Variants in EYS observed in about 807,000 individuals in gnomAD.
The protein encoded by EYS is EGF-like photoreceptor maintenance factor.
Under a neutral mutation model 282.1 loss-of-function variants are expected in EYS, and 250 were observed. That is an observed-to-expected ratio of 0.89 (90% CI 0.80 to 0.98). The LOEUF is 0.98. EYS is among the 50% of genes least tolerant of loss of function. The pLI is 0.00. For synonymous variants in EYS, 1,355 were observed against 1,282.9 expected (o/e 1.06, Z -1.20); for missense variants, 4,016 against 3,709.0 (o/e 1.08, Z -2.15).
chr6:64,286,567 G>T (rs1768508471), intron 30 of EYS, among the ~76,000 whole-genome samples: 1 of 152,234 alleles, frequency 6.6e-6, no homozygotes, highest in East Asian at 1.9e-4. Context: ...CACAGATATT[G>T]CAGAATCTTC....
chr6:63,754,654 G>A (rs1242371658), intron 41 of EYS, among the ~76,000 whole-genome samples: 1 of 152,106 alleles, frequency 6.6e-6, no homozygotes, highest in Non-Finnish European at 1.5e-5. Flanking sequence ...ATAAACATAC[G>A]TGTGCATGTG....
chr6:63,923,482 C>T (rs1374685831), intron 35 of EYS, among the ~76,000 whole-genome samples: 4 of 152,006 alleles, frequency 2.6e-5, no homozygotes, highest in Non-Finnish European at 4.4e-5. Context: ...AAGAAAATAG[C>T]AAATAACACT....
intron 22 of EYS, among the ~76,000 whole-genome samples, chr6:64,812,837 T>C (rs1764637607): frequency 6.6e-6 from 1 of 151,970 alleles, no homozygotes; most frequent in South Asian, 2.1e-4. Context: ...ATTGGATATA[T>C]TATATAATCA....
chr6:65,393,192 G>C (rs1227939588), intron 7 of EYS, among the ~76,000 whole-genome samples: 1 of 152,028 alleles, frequency 6.6e-6, no homozygotes, highest in African/African-American at 2.4e-5. Flanking sequence ...GGACGGGGGA[G>C]GGATAGCATT....
chr6:65,063,792 T>G (rs1773650577), intron 12 of EYS, among the ~76,000 whole-genome samples: 1 of 152,006 alleles, frequency 6.6e-6, no homozygotes, highest in Non-Finnish European at 1.5e-5. Context: ...AAATAGCCAT[T>G]GGCTCAAAGT....
intron 26 of EYS, among the ~76,000 whole-genome samples, chr6:64,546,180 A>G (rs1351820836): frequency 6.6e-6 from 1 of 152,196 alleles, no homozygotes; most frequent in Admixed American, 6.5e-5. Context: ...AGAGATATAG[A>G]CCAATGGAAC....
intron 14 of EYS, among the ~76,000 whole-genome samples, chr6:64,962,515 G>A (rs1236426788): frequency 6.6e-6 from 1 of 151,202 alleles, no homozygotes; most frequent in African/African-American, 2.4e-5. Flanking sequence ...AGGATCACTT[G>A]ATCCAGCAGT....
chr6:63,738,287 C>T (rs1182453359), intron 41 of EYS, among the ~76,000 whole-genome samples: 7 of 152,022 alleles, frequency 4.6e-5, no homozygotes, highest in East Asian at 1.9e-4. Context: ...CACATGCACA[C>T]GTATGTTTAT....
intron 14 of EYS, among the ~76,000 whole-genome samples, chr6:64,991,357 A>G (rs1771057002): frequency 6.6e-6 from 1 of 151,606 alleles, no homozygotes; most frequent in Non-Finnish European, 1.5e-5. Flanking sequence ...GCCTCTTTTA[A>G]CAATAGGTTT....
chr6:65,110,984 C>T (rs887373395), intron 12 of EYS, among the ~76,000 whole-genome samples: 1 of 151,910 alleles, frequency 6.6e-6, no homozygotes, highest in Admixed American at 6.6e-5. Context: ...TGAACTGCCT[C>T]AATGATAACA....
At chr6:63,924,506 G>C (rs1238188873) in intron 35 of EYS, among the ~76,000 whole-genome samples, 2 of 152,184 alleles carry the variant, frequency 1.3e-5, no homozygotes, top group Non-Finnish European at 2.9e-5. Context: ...TGAAACACCT[G>C]GTAGTCAATG....
At chr6:64,812,670 A>G (rs1291547560) in intron 22 of EYS, among the ~76,000 whole-genome samples, 2 of 152,048 alleles carry the variant, frequency 1.3e-5, no homozygotes, top group African/African-American at 2.4e-5. Flanking sequence ...TTTAAGATAT[A>G]TGACAGAAAT....
chr6:64,727,112 A>T (rs142980796), intron 22 of EYS, among the ~76,000 whole-genome samples: 323 of 152,318 alleles, frequency 2.1e-3, no homozygotes, highest in Non-Finnish European at 4.0e-3. Flanking sequence ...TGTACATATA[A>T]TTTTTAATTG....
At chr6:64,406,961 A>T (rs1287359309) in intron 28 of EYS, among the ~76,000 whole-genome samples, 1 of 152,240 alleles carries the variant, frequency 6.6e-6, no homozygotes, top group Non-Finnish European at 1.5e-5. Context: ...ATATACCCGA[A>T]GGATAATAAA....
intron 12 of EYS, among the ~76,000 whole-genome samples, chr6:65,159,109 G>T (rs1284850585): frequency 6.6e-6 from 1 of 150,888 alleles, no homozygotes; most frequent in East Asian, 2.0e-4. Context: ...TTGGAAATCT[G>T]TCTAAAACAA....
intron 12 of EYS, among the ~76,000 whole-genome samples, chr6:65,174,741 C>T (rs529403045): frequency 6.6e-6 from 1 of 151,342 alleles, no homozygotes; most frequent in South Asian, 2.1e-4. Flanking sequence ...TGTTGCAAAT[C>T]ATCTAAGTGA....
In EYS at chr6:63,755,544, A is replaced by T. The variant is rs150575818; in HGVS notation, c.8071+6917T>A. 9.6e-4 allele frequency among the ~76,000 whole-genome samples: 146 copies of T among 152,248 alleles called. 1 individual carries two copies. Among genetic ancestry groups the T allele is most frequent in the Non-Finnish European group, 1.5e-3 (105 of 68,024 alleles). ...TTTGGTTACTGTAGCCTTGTAGTCC[A>T]GTTTGAAGTCAGGTAGTGTGATGCC... On this transcript the variant is annotated intron_variant, in intron 41 of 42. Coordinates refer to ENST00000503581, the MANE Select transcript of EYS (RefSeq NM_001142800.2).
At chr6:64,367,138 T>C (rs1469968388) in intron 29 of EYS, among the ~76,000 whole-genome samples, 1 of 152,012 alleles carries the variant, frequency 6.6e-6, no homozygotes, top group Non-Finnish European at 1.5e-5. Flanking sequence ...TTTTGAAACC[T>C]CAGAAAGATT....
intron 24 of EYS, among the ~76,000 whole-genome samples, chr6:64,600,552 A>G (rs1232561580): frequency 6.6e-6 from 1 of 152,132 alleles, no homozygotes; most frequent in Admixed American, 6.5e-5. Flanking sequence ...TAGGTTTTTA[A>G]AAAGATTTTT....
Sources: allele counts gnomAD v4.1 joint callset (sites outside exome capture counted in the v4.1 genomes callset), GRCh38; gene constraint gnomAD v4.1.1; transcripts MANE v1.5; gene names NCBI Gene and HGNC (gene_info 2026-07-23, HGNC 2026-07-21).